MTMR6: variants seen among roughly 807,000 people sequenced by gnomAD.
The protein encoded by MTMR6 is myotubularin related protein 6.
A neutral mutation model predicts 80.1 loss-of-function variants in MTMR6; 47 were observed. The ratio of observed to expected loss-of-function variants is 0.59; its 90% confidence interval spans 0.46 to 0.75. The LOEUF (loss-of-function observed/expected upper bound fraction) is 0.75. Ranked by LOEUF, MTMR6 falls within the 30% of genes least tolerant of loss-of-function variation. The pLI is 0.00. For missense variants in MTMR6, 629 were observed against 730.9 expected, an observed-to-expected ratio of 0.86 and a Z score of 1.61; for synonymous variants, 254 against 253.0, an observed-to-expected ratio of 1.00 and a Z score of -0.04.
rs1055628254 is a variant in MTMR6, at chr13:25,249,430, T to C, written c.1668A>G (p.Ser556=). 9.3e-6 allele frequency: 15 copies of C among 1,613,978 alleles called. No homozygotes were observed. The highest frequency in any genetic ancestry group is 1.3e-5 in the African/African-American group (1 of 74,934). Reference sequence around the variant, plus strand: ...TGAGGTTAGGTGATTCAGGATGAACTGAATGTAACAATTCCTTGGTGAGGA... The same window carrying C: ...TGAGGTTAGGTGATTCAGGATGAACCGAATGTAACAATTCCTTGGTGAGGA... The part of the protein sequence containing the change: ...DGILTKELLH[S]VHPESPNLKT... Residue 556 remains serine, a synonymous_variant, in exon 14 of 14, where the codon TCA becomes TCG. Transcript: ENST00000381801.
At chr13:25,270,077 A>AAAATCTG (rs1205657491) in intron 2 of MTMR6, among the ~76,000 whole-genome samples, 12 of 152,334 alleles carry the variant, frequency 7.9e-5, no homozygotes, top group African/African-American at 2.6e-4. Context: ...CCCTAATCTG[A>AAAATCTG]AAATCTGAAA....
intron 1 of MTMR6, among the ~76,000 whole-genome samples, chr13:25,275,806 A>T (rs932667161): frequency 4.8e-5 from 7 of 146,408 alleles, no homozygotes; most frequent in Non-Finnish European, 7.5e-5. Flanking sequence ...GGTTGCGGTG[A>T]GCCAAGATTG....
intron 5 of MTMR6, among the ~76,000 whole-genome samples, chr13:25,264,713 C>G (rs573698161): frequency 6.9e-6 from 1 of 143,910 alleles, no homozygotes; most frequent in South Asian, 2.3e-4. Flanking sequence ...CGAGATCACG[C>G]CATTGAACTC....
At chr13:25,261,179 C>T (rs926521709) in intron 6 of MTMR6, among the ~76,000 whole-genome samples, 3 of 151,002 alleles carry the variant, frequency 2.0e-5, no homozygotes, top group Non-Finnish European at 4.4e-5. Context: ...CATGGTGGTA[C>T]GTGCCTGTAA....
chr13:25,277,867 G>C (rs1205417310), intron 1 of MTMR6, among the ~76,000 whole-genome samples: 1 of 152,148 alleles, frequency 6.6e-6, no homozygotes, highest in Non-Finnish European at 1.5e-5. Flanking sequence ...TGGGAAATTT[G>C]TGGTGAAAAT....
At chr13:25,271,914 T>A (rs543205115) in intron 2 of MTMR6, among the ~76,000 whole-genome samples, 103 of 152,314 alleles carry the variant, frequency 6.8e-4, no homozygotes, top group African/African-American at 2.5e-3. Context: ...TGGGAGGGTA[T>A]GCTCTACTTG....
At chr13:25,274,716 C>G (rs910566276) in intron 1 of MTMR6, among the ~76,000 whole-genome samples, 1 of 152,082 alleles carries the variant, frequency 6.6e-6, no homozygotes, top group African/African-American at 2.4e-5. Context: ...CTAAAATGGT[C>G]TCTTCTGCTT....
intron 10 of MTMR6, 95 bp downstream of exon 10, chr13:25,254,290 C>A: frequency 1.1e-6 from 1 of 875,678 alleles, no homozygotes; most frequent in Non-Finnish European, 1.9e-6. Context: ...TACCTCCCAT[C>A]ACGCATGTGA....
chr13:25,287,180 T>G (rs1957970030), intron 1 of MTMR6, 44 bp downstream of exon 1: 1 of 1,578,202 alleles, frequency 6.3e-7, no homozygotes, highest in South Asian at 1.1e-5. Context: ...CTCAGCCGGG[T>G]CAGAGCAGGG....
At chr13:25,266,396 A>G (rs1957454619) in intron 3 of MTMR6, 110 bp from the exon 4 acceptor site, 2 of 910,584 alleles carry the variant, frequency 2.2e-6, no homozygotes, top group Non-Finnish European at 1.6e-6. Context: ...ACAATCTTCA[A>G]AGAGATGGCT....
chr13:25,264,769 A>G lies in MTMR6; in HGVS notation c.591+1050T>C, dbSNP rs551717884. Among the ~76,000 whole-genome samples, 519 of 150,370 alleles carry G rather than the reference A, an allele frequency of 3.5e-3. 10 individuals are homozygous for G. The highest frequency in any genetic ancestry group is 0.012 in the African/African-American group (477 of 41,228). On this transcript the variant is annotated intron_variant, in intron 5 of 13. Coordinates refer to ENST00000381801, the MANE Select transcript of MTMR6 (RefSeq NM_004685.5). ...ACTCCATCTCAAAAAAAAAAAAAAA[A>G]AAAAAAGAAATTTCAGAACACTGGG...
Position 25,251,570 on chromosome 13 carries a change from T to G in MTMR6, c.1605+79A>C, listed in dbSNP as rs751895874. ...TACTTCAGAAGTTTATGTGCTGATTTACACCAACAATACAAATATTAGTCT... is the reference window on the plus strand; with the variant it reads ...TACTTCAGAAGTTTATGTGCTGATTGACACCAACAATACAAATATTAGTCT... On this transcript the variant is annotated intron_variant, in intron 13 of 13. Coordinates refer to ENST00000381801, the MANE Select transcript of MTMR6 (RefSeq NM_004685.5). This position sits in a 1 kb window ranked among gnomAD's most constrained non-coding sequence, Gnocchi z 4.1. 7.8e-7 allele frequency: 1 copy of G among 1,275,338 alleles called. No individual in the cohort carries two copies. The highest frequency in any genetic ancestry group is 1.1e-6 in the Non-Finnish European group (1 of 924,952). 79.0% of individuals were successfully genotyped at this position (1,275,338 alleles called of 1,614,324 possible). A position where few individuals can be genotyped will look rare whatever the true frequency, so the allele number is the denominator to read the frequency against.
chr13:25,279,980 TA>T (rs1422914353), intron 1 of MTMR6, among the ~76,000 whole-genome samples: 1 of 152,194 alleles, frequency 6.6e-6, no homozygotes, highest in Non-Finnish European at 1.5e-5. Flanking sequence ...CTGAGTTGAT[TA>T]AGGGCAACCA....
intron 1 of MTMR6, among the ~76,000 whole-genome samples, chr13:25,274,975 C>T (rs931608223): frequency 9.0e-5 from 13 of 143,780 alleles, no homozygotes; most frequent in African/African-American, 3.0e-4. Flanking sequence ...CACACACACA[C>T]ACACACACAC....
intron 1 of MTMR6, among the ~76,000 whole-genome samples, chr13:25,279,462 G>A (rs1304583833): frequency 6.6e-6 from 1 of 152,142 alleles, no homozygotes; most frequent in East Asian, 1.9e-4. Flanking sequence ...GTCTTGAGTT[G>A]TTCTTTATAG....
At chr13:25,285,865 C>T (rs1957945707) in intron 1 of MTMR6, among the ~76,000 whole-genome samples, 1 of 152,018 alleles carries the variant, frequency 6.6e-6, no homozygotes, top group Admixed American at 6.6e-5. Context: ...TGCTATGCAC[C>T]GTAGAAAGCA....
In MTMR6 at chr13:25,249,355, A is replaced by G; in HGVS notation, c.1743T>C (p.Ala581=). The change falls in exon 14 of 14, where the codon GCT becomes GCC. Residue 581 remains alanine, a synonymous_variant. Transcript: ENST00000381801. ...KEQTLLPVND[A]LRTIEGSSPA... ...GGCTGCTGCCCTCTATAGTTCGAAGAGCATCATTTACGGGTAGCAGAGTCT... is the reference window on the plus strand; with the variant it reads ...GGCTGCTGCCCTCTATAGTTCGAAGGGCATCATTTACGGGTAGCAGAGTCT... 2 of 1,614,158 alleles carry G rather than the reference A, an allele frequency of 1.2e-6. No homozygotes were observed. The highest frequency in any genetic ancestry group is 1.7e-6 in the Non-Finnish European group (2 of 1,179,996).
chr13:25,267,364 A>G (rs919108475), intron 3 of MTMR6, among the ~76,000 whole-genome samples: 3 of 152,100 alleles, frequency 2.0e-5, no homozygotes, highest in African/African-American at 7.2e-5. Context: ...TCTCCCACTC[A>G]AATCTATTAA....
At position 25,251,705 on chromosome 13, in the gene MTMR6, T is replaced by C; in HGVS notation, c.1549A>G (p.Met517Val). ...TGTTTATTTTGCTCATTCATATTCA[T>C]AATTATATTAAATACAGACTGCCTA... ...HPRQSVFNII[M>V]NMNEQNKQLE... is the part of the protein sequence containing the mutation. The change falls in exon 13 of 14, where the codon ATG becomes GTG. Residue 517 changes from methionine to valine, a missense_variant. Met to Val is a conservative substitution (Grantham distance 21, BLOSUM62 1). Coordinates refer to ENST00000381801, the MANE Select transcript of MTMR6 (RefSeq NM_004685.5). The surrounding 1 kb of genome is among the most constrained non-coding windows in gnomAD (Gnocchi z 4.1). The C allele has an allele frequency of 6.4e-7, 1 of 1,571,600 alleles. No homozygotes were observed. The highest frequency in any genetic ancestry group is 1.1e-5 in the South Asian group (1 of 88,842).
Sources: allele counts gnomAD v4.1 joint callset (sites outside exome capture counted in the v4.1 genomes callset), GRCh38; gene constraint gnomAD v4.1.1; non-coding constraint Gnocchi (gnomAD v3.1); transcripts MANE v1.5; gene names NCBI Gene and HGNC (gene_info 2026-07-23, HGNC 2026-07-21).